The following SMAD3 variants were observed in gnomAD, a reference collection of about 807,000 sequenced individuals.
SMAD3 encodes SMAD family member 3.
Under a neutral mutation model 51.8 loss-of-function variants are expected in SMAD3, and 12 were observed. The observed-to-expected ratio is 0.23, with a 90% confidence interval of 0.15 to 0.38. The LOEUF is 0.38. Among genes scored for constraint, SMAD3 ranks in the 10% least tolerant of loss-of-function variants. The pLI is 1.00. For synonymous variants in SMAD3, 238 were observed against 227.7 expected, an observed-to-expected ratio of 1.05 and a Z score of -0.41; for missense variants, 294 against 565.6, an observed-to-expected ratio of 0.52 and a Z score of 4.87.
chr15:67,166,951 T>C (rs933780398), intron 4 of SMAD3, 98 bp downstream of exon 4: 9 of 926,630 alleles, frequency 9.7e-6, no homozygotes, highest in African/African-American at 1.6e-5. Context: ...CTCCCTCCCT[T>C]CTATCTCTCT....
At chr15:67,075,492 A>G (rs2140198733) in intron 1 of SMAD3, among the ~76,000 whole-genome samples, 1 of 152,274 alleles carries the variant, frequency 6.6e-6, no homozygotes, top group East Asian at 1.9e-4. Flanking sequence ...AAGCCTCTCA[A>G]GTCTGATGGG....
intron 1 of SMAD3, among the ~76,000 whole-genome samples, chr15:67,110,364 C>T (rs1361632831): frequency 1.3e-5 from 2 of 152,086 alleles, no homozygotes; most frequent in Non-Finnish European, 2.9e-5. Context: ...TTCCCATGAC[C>T]CCAGCCTGTA....
At chr15:67,125,808 G>A (rs749960122) in intron 1 of SMAD3, 61 of 985,376 alleles carry the variant, frequency 6.2e-5, no homozygotes, top group African/African-American at 3.5e-4. Context: ...GGGCTGAAGC[G>A]CACTGACCAT....
In SMAD3 at chr15:67,191,201, T is replaced by A. The variant is rs186841203; in HGVS notation, c.*665T>A. On this transcript the variant is annotated 3_prime_UTR_variant, in exon 9 of 9. Coordinates refer to ENST00000327367, the MANE Select transcript of SMAD3 (RefSeq NM_005902.4). ...CCTGCACACAGGACAGCGGGAAAAA[T>A]CGATGAGCGCCACCTCTTTAAAAAC... 54 of 233,698 alleles carry A rather than the reference T, an allele frequency of 2.3e-4. No homozygotes were observed. In the East Asian group the frequency reaches 2.9e-3, roughly 13 times the overall value. The allele number at this position is 233,698 out of a possible 1,614,324, so 14.5% of individuals were successfully genotyped here. A position where few individuals can be genotyped will look rare whatever the true frequency, so the allele number is the denominator to read the frequency against.
chr15:67,156,098 G>A (rs188424453), intron 1 of SMAD3, among the ~76,000 whole-genome samples: 1 of 152,264 alleles, frequency 6.6e-6, no homozygotes, highest in East Asian at 1.9e-4. Context: ...GAGGGCAGAT[G>A]GGCATATATC....
intron 7 of SMAD3, among the ~76,000 whole-genome samples, chr15:67,186,401 T>C (rs1413127112): frequency 6.6e-6 from 1 of 152,172 alleles, no homozygotes. Context: ...GTTTGTCAGC[T>C]CATAGAATGT....
intron 1 of SMAD3, among the ~76,000 whole-genome samples, chr15:67,111,191 C>T (rs866014391): frequency 3.3e-5 from 5 of 152,194 alleles, no homozygotes; most frequent in Non-Finnish European, 7.4e-5. Context: ...AGTCTACTTT[C>T]TGGTTCTCTG....
In SMAD3 at chr15:67,090,483, G is replaced by A. The variant is rs148231962; in HGVS notation, c.206+24123G>A. Among the ~76,000 whole-genome samples, 12 of 152,204 alleles carry A rather than the reference G, an allele frequency of 7.9e-5. No individual in the cohort carries two copies. In the East Asian group the frequency reaches 1.9e-3, roughly 25 times the overall value. ...GCTGGGGGAAACTGAGCTCCTGAGC[G>A]GGGCAGTGACTTGCGCAAGTCATTT... On this transcript the variant is annotated intron_variant, in intron 1 of 8. Transcript: ENST00000327367.
At chr15:67,176,354 G>A (rs1049879893) in intron 5 of SMAD3, among the ~76,000 whole-genome samples, 6 of 152,166 alleles carry the variant, frequency 3.9e-5, no homozygotes, top group Non-Finnish European at 8.8e-5. Flanking sequence ...GGTGGATGAG[G>A]AACATGGGAA....
At chr15:67,085,858 A>C (rs1031654879) in intron 1 of SMAD3, among the ~76,000 whole-genome samples, 3 of 143,644 alleles carry the variant, frequency 2.1e-5, no homozygotes, top group African/African-American at 7.8e-5. Flanking sequence ...GTTGGTCAAA[A>C]AAAAAGCGTG....
At chr15:67,163,101 G>C (rs1186502468) in intron 1 of SMAD3, among the ~76,000 whole-genome samples, 1 of 152,080 alleles carries the variant, frequency 6.6e-6, no homozygotes, top group Non-Finnish European at 1.5e-5. Context: ...AGCCTCCTGA[G>C]TAGCTGGGAT....
Position 67,119,584 on chromosome 15 carries a change from G to C in SMAD3, c.207-45311G>C, listed in dbSNP as rs574430379. ...CTATGAAGCAGATGGATGGAACCCTGGCTGAATTATCTCAGACTTGCCAAA... is the reference window on the plus strand; with the variant it reads ...CTATGAAGCAGATGGATGGAACCCTCGCTGAATTATCTCAGACTTGCCAAA... On this transcript the variant is annotated intron_variant, in intron 1 of 8. Coordinates refer to ENST00000327367, the MANE Select transcript of SMAD3 (RefSeq NM_005902.4). Among the ~76,000 whole-genome samples, 4 of 152,318 alleles carry C rather than the reference G, an allele frequency of 2.6e-5. No individual in the cohort carries two copies. In the South Asian group the frequency reaches 8.3e-4, roughly 32 times the overall value.
chr15:67,129,174 A>G (rs563382205), intron 1 of SMAD3, among the ~76,000 whole-genome samples: 62 of 152,290 alleles, frequency 4.1e-4, no homozygotes, highest in African/African-American at 1.4e-3. Context: ...GCACCTCACT[A>G]TGGGAAACAT....
chr15:67,136,328 C>CTT (rs11355676), intron 1 of SMAD3, among the ~76,000 whole-genome samples: 1 of 137,118 alleles, frequency 7.3e-6, no homozygotes, highest in African/African-American at 2.7e-5. Context: ...GTCAGTCATT[C>CTT]TTTTTTTTTT....
At chr15:67,134,138 A>G (rs1961594995) in intron 1 of SMAD3, among the ~76,000 whole-genome samples, 1 of 151,914 alleles carries the variant, frequency 6.6e-6, no homozygotes, top group Non-Finnish European at 1.5e-5. Context: ...CCACAGGGAG[A>G]AAGTGGTGGT....
chr15:67,078,237 G>A (rs1960212365), intron 1 of SMAD3, among the ~76,000 whole-genome samples: 1 of 152,242 alleles, frequency 6.6e-6, no homozygotes, highest in African/African-American at 2.4e-5. Flanking sequence ...GGGAAACTAA[G>A]TGGGGTGTTG....
At chr15:67,168,420 G>A (rs946163965) in intron 4 of SMAD3, among the ~76,000 whole-genome samples, 68 of 152,230 alleles carry the variant, frequency 4.5e-4, no homozygotes, top group African/African-American at 1.6e-3. Flanking sequence ...TCCTGTATCC[G>A]ATGCCAAGTG....
intron 1 of SMAD3, among the ~76,000 whole-genome samples, chr15:67,114,430 C>T (rs1213226068): frequency 1.3e-5 from 2 of 152,240 alleles, no homozygotes; most frequent in African/African-American, 4.8e-5. Flanking sequence ...GAACAAGCCA[C>T]CTTCAACTGA....
chr15:67,188,782 T>C (rs993457496), intron 8 of SMAD3, among the ~76,000 whole-genome samples: 19 of 152,268 alleles, frequency 1.2e-4, no homozygotes, highest in African/African-American at 4.3e-4. Flanking sequence ...AATATTGGCC[T>C]TGGGCCACCG....
Sources: allele counts gnomAD v4.1 joint callset (sites outside exome capture counted in the v4.1 genomes callset), GRCh38; gene constraint gnomAD v4.1.1; transcripts MANE v1.5; gene names NCBI Gene and HGNC (gene_info 2026-07-23, HGNC 2026-07-21).